Variants in DMXL1 observed in about 807,000 individuals in gnomAD.
DMXL1 encodes Dmx like 1.
A neutral mutation model predicts 319.2 loss-of-function variants in DMXL1; 99 were observed. That is an observed-to-expected ratio of 0.31 (90% CI 0.26 to 0.37). The LOEUF (loss-of-function observed/expected upper bound fraction) is 0.37, where lower values mean the gene tolerates loss of function less well. Among genes scored for constraint, DMXL1 ranks in the 10% least tolerant of loss-of-function variants. The pLI is 1.00. For synonymous variants in DMXL1, 1,385 were observed against 1,235.2 expected, an observed-to-expected ratio of 1.12 and a Z score of -2.54; for missense variants, 3,745 against 3,595.6, an observed-to-expected ratio of 1.04 and a Z score of -1.06.
At chr5:119,231,990 A>G (rs191019160) in intron 38 of DMXL1, among the ~76,000 whole-genome samples, 1 of 152,196 alleles carries the variant, frequency 6.6e-6, no homozygotes, top group East Asian at 1.9e-4. Context: ...TTTTTTTAAG[A>G]GACAGGGTCT....
intron 33 of DMXL1, among the ~76,000 whole-genome samples, chr5:119,204,709 G>C (rs1581313281): frequency 6.6e-6 from 1 of 152,058 alleles, no homozygotes; most frequent in Non-Finnish European, 1.5e-5. Flanking sequence ...AATTCTTTTT[G>C]TCTCCTGGAC....
chr5:119,228,810 A>C (rs1044483766), intron 38 of DMXL1, among the ~76,000 whole-genome samples: 2 of 152,200 alleles, frequency 1.3e-5, no homozygotes, highest in Non-Finnish European at 2.9e-5. Context: ...AAAAATATTT[A>C]ACCAGAGTGA....
intron 25 of DMXL1, among the ~76,000 whole-genome samples, chr5:119,173,127 C>T (rs1416415480): frequency 1.3e-5 from 2 of 151,934 alleles, no homozygotes; most frequent in Non-Finnish European, 2.9e-5. Flanking sequence ...TCACCTGAGG[C>T]CAGGAATTCA....
At chr5:119,132,950 A>G (rs1765250917) in intron 10 of DMXL1, 182 bp from the exon 11 acceptor site, 4 of 630,168 alleles carry the variant, frequency 6.3e-6, no homozygotes, top group Middle Eastern at 4.1e-4. Flanking sequence ...CTTAAAGTAT[A>G]TTGCAAAGAA....
intron 38 of DMXL1, among the ~76,000 whole-genome samples, chr5:119,229,959 G>A (rs1245416534): frequency 6.6e-6 from 1 of 152,222 alleles, no homozygotes; most frequent in Non-Finnish European, 1.5e-5. Context: ...ATAAGCTTAT[G>A]TTTAGCAATT....
chr5:119,157,940 T>G (rs967272706), intron 19 of DMXL1, among the ~76,000 whole-genome samples: 9 of 152,204 alleles, frequency 5.9e-5, no homozygotes, highest in Non-Finnish European at 1.0e-4. Context: ...ATTAAAAATT[T>G]AACAAATTAA....
At chr5:119,160,808 T>C (rs1772112681) in intron 19 of DMXL1, among the ~76,000 whole-genome samples, 1 of 152,244 alleles carries the variant, frequency 6.6e-6, no homozygotes, top group South Asian at 2.1e-4. Context: ...ACTTAAAGTC[T>C]ATTTTGTCTA....
At chr5:119,239,446 C>A (rs888955037) in intron 41 of DMXL1, among the ~76,000 whole-genome samples, 4 of 152,258 alleles carry the variant, frequency 2.6e-5, no homozygotes, top group Middle Eastern at 6.8e-3. Flanking sequence ...ATATTTCTTA[C>A]GTATGTTGGT....
At chr5:119,115,872 A>G (rs952459893) in intron 6 of DMXL1, among the ~76,000 whole-genome samples, 6 of 152,158 alleles carry the variant, frequency 3.9e-5, no homozygotes, top group Admixed American at 2.6e-4. Context: ...CCTTAATTTT[A>G]TCTTTCAGTG....
intron 2 of DMXL1, among the ~76,000 whole-genome samples, chr5:119,101,398 A>G (rs1186591113): frequency 2.0e-5 from 3 of 152,212 alleles, no homozygotes; most frequent in East Asian, 1.9e-4. Context: ...CACTCAAGTT[A>G]TAGTAGTAGT....
At chr5:119,167,376 A>G (rs560431606) in intron 22 of DMXL1, among the ~76,000 whole-genome samples, 13 of 151,810 alleles carry the variant, frequency 8.6e-5, no homozygotes, top group Non-Finnish European at 1.6e-4. Context: ...ATTTTTGCAC[A>G]TATATATATA....
chr5:119,221,352 A>T (rs530102863), intron 37 of DMXL1, among the ~76,000 whole-genome samples: 55 of 152,338 alleles, frequency 3.6e-4, no homozygotes, highest in Non-Finnish European at 7.4e-4. Flanking sequence ...ATCAGGCTTC[A>T]GCAAGGTGTT....
At chr5:119,082,939 A>G (rs1752560429) in intron 1 of DMXL1, among the ~76,000 whole-genome samples, 1 of 152,280 alleles carries the variant, frequency 6.6e-6, no homozygotes. Flanking sequence ...GCTCCCACAT[A>G]TGAATGAGAA....
rs540382282 is a variant in DMXL1, at chr5:119,133,793, T to C, written c.1869T>C (p.Thr623=). 2.5e-6 allele frequency: 4 copies of C among 1,614,230 alleles called. No homozygotes were observed. The highest frequency in any genetic ancestry group is 1.7e-5 in the Admixed American group (1 of 60,028). Reference sequence around the variant, plus strand: ...TTGCCGAGGAATCTGCTTTTTCTACTGTTCTCAGTATTTCCCACAAATCCA... The same window carrying C: ...TTGCCGAGGAATCTGCTTTTTCTACCGTTCTCAGTATTTCCCACAAATCCA... ...VSFAEESAFS[T]VLSISHKSRY... The change falls in exon 12 of 44, where the codon ACT becomes ACC. Residue 623 remains threonine, a synonymous_variant. Coordinates refer to ENST00000539542, the MANE Select transcript of DMXL1 (RefSeq NM_001290321.3).
chr5:119,244,299 G>C, intron 42 of DMXL1, 60 bp from the exon 43 acceptor site: 2 of 1,376,698 alleles, frequency 1.5e-6, no homozygotes. Flanking sequence ...TTAGCCAAAA[G>C]CCAGAAGTCT....
chr5:119,134,476 A>G, intron 13 of DMXL1, 87 bp downstream of exon 13: 1 of 1,153,172 alleles, frequency 8.7e-7, no homozygotes, highest in South Asian at 1.8e-5. Flanking sequence ...TACAATTGTG[A>G]CCTATAATTT....
At chr5:119,141,629 C>T (rs1302981994) in intron 13 of DMXL1, among the ~76,000 whole-genome samples, 1 of 152,110 alleles carries the variant, frequency 6.6e-6, no homozygotes, top group Non-Finnish European at 1.5e-5. Flanking sequence ...GAAAAACATC[C>T]TATGTTGATG....
chr5:119,082,660 G>A (rs1326500619), intron 1 of DMXL1, among the ~76,000 whole-genome samples: 2 of 152,144 alleles, frequency 1.3e-5, no homozygotes, highest in East Asian at 3.9e-4. Flanking sequence ...CATATAATTT[G>A]TGAAGATTAA....
chr5:119,121,218 T>C, intron 9 of DMXL1, 79 bp downstream of exon 9: 1 of 1,261,896 alleles, frequency 7.9e-7, no homozygotes, highest in Non-Finnish European at 1.1e-6. Context: ...CTTTTAGTTT[T>C]CAAATAAGTA....
Sources: allele counts gnomAD v4.1 joint callset (sites outside exome capture counted in the v4.1 genomes callset), GRCh38; gene constraint gnomAD v4.1.1; transcripts MANE v1.5; gene names NCBI Gene and HGNC (gene_info 2026-07-23, HGNC 2026-07-21).